ADGRL2: variants seen among roughly 807,000 people sequenced by gnomAD.
The protein encoded by ADGRL2 is adhesion G protein-coupled receptor L2.
A neutral mutation model predicts 157.4 loss-of-function variants in ADGRL2; 44 were observed. The ratio of observed to expected loss-of-function variants is 0.28; its 90% confidence interval spans 0.22 to 0.36. The LOEUF is 0.36. Among genes scored for constraint, ADGRL2 ranks in the 10% least tolerant of loss-of-function variants. The pLI, the probability that ADGRL2 is intolerant of heterozygous loss-of-function variation, is 1.00. For missense variants in ADGRL2, 1,510 were observed against 1,768.9 expected (o/e 0.85, Z 2.63); for synonymous variants, 585 against 624.7 (o/e 0.94, Z 0.95).
intron 1 of ADGRL2, among the ~76,000 whole-genome samples, chr1:81,759,583 T>C (rs2085802308): frequency 6.6e-6 from 1 of 152,144 alleles, no homozygotes; most frequent in African/African-American, 2.4e-5. Context: ...TTTTCTAGTC[T>C]TTTACCAAAT....
intron 1 of ADGRL2, among the ~76,000 whole-genome samples, chr1:81,398,153 G>A (rs948933461): frequency 1.3e-5 from 2 of 151,830 alleles, no homozygotes; most frequent in East Asian, 3.9e-4. Flanking sequence ...GTTTCCATTT[G>A]CATGGAATAT....
chr1:81,446,637 C>T (rs2077602242), intron 2 of ADGRL2, among the ~76,000 whole-genome samples: 1 of 152,176 alleles, frequency 6.6e-6, no homozygotes, highest in Non-Finnish European at 1.5e-5. Flanking sequence ...AAGAAAATAA[C>T]ACCCAGGGAT....
At chr1:81,426,821 T>A in intron 1 of ADGRL2, 1 of 524,034 alleles carries the variant, frequency 1.9e-6, no homozygotes, top group Non-Finnish European at 3.6e-6. Flanking sequence ...GATGCCCATC[T>A]ACCAGTGAAG....
chr1:81,623,635 CTTTTTTTTT>C (rs752595573), intron 3 of ADGRL2, among the ~76,000 whole-genome samples: 3 of 118,968 alleles, frequency 2.5e-5, no homozygotes, highest in Admixed American at 9.5e-5. Flanking sequence ...TGATATCTTC[CTTTTTTTTT>C]TTTTTTTTTT....
At chr1:81,966,277 A>C in intron 12 of ADGRL2, 94 bp downstream of exon 12, 1 of 1,555,530 alleles carries the variant, frequency 6.4e-7, no homozygotes, top group Non-Finnish European at 8.8e-7. Flanking sequence ...ATAACAAAAA[A>C]ACGGCTTACC....
intron 2 of ADGRL2, among the ~76,000 whole-genome samples, chr1:81,792,632 GAT>G (rs1435319500): frequency 6.6e-6 from 1 of 152,056 alleles, no homozygotes; most frequent in Admixed American, 6.6e-5. Flanking sequence ...TTTTATGAGA[GAT>G]AAACTTTTAA....
At chr1:81,966,026 T>G in intron 11 of ADGRL2, 32 bp from the exon 12 acceptor site, 1 of 1,608,410 alleles carries the variant, frequency 6.2e-7, no homozygotes, top group Non-Finnish European at 8.5e-7. Flanking sequence ...AATCCTTTTT[T>G]CCCCACCTCC....
At chr1:81,660,025 T>G (rs2082620007) in intron 3 of ADGRL2, among the ~76,000 whole-genome samples, 1 of 152,196 alleles carries the variant, frequency 6.6e-6, no homozygotes, top group South Asian at 2.1e-4. Context: ...ATATTGATTT[T>G]TGCCCTTTTG....
Position 81,970,326 on chromosome 1 carries a change from A to G in ADGRL2, c.2746A>G (p.Ile916Val). The change falls in exon 16 of 24, where the codon ATA becomes GTA. Residue 916 changes from isoleucine to valine, a missense_variant. Ile to Val is a conservative substitution (Grantham distance 29, BLOSUM62 3). Around this residue, in one of 4 missense-constraint regions of ADGRL2, gnomAD observed 497 missense variants for 627.2 expected, o/e 0.79. Transcript: ENST00000686636. ...DKTKYAIACP[I>V]FAGLLHFFFL... ...TTTTCCCCCGTAGATTGCATGCCCA[A>G]TATTTGCAGGACTTCTACACTTTTT... The G allele has an allele frequency of 6.2e-7, 1 of 1,609,568 alleles. No homozygotes were observed.
At chr1:81,956,310 A>C (rs1002975320) in intron 11 of ADGRL2, among the ~76,000 whole-genome samples, 1 of 152,256 alleles carries the variant, frequency 6.6e-6, no homozygotes. Context: ...TTAACAAAAA[A>C]GTGTAAGAGT....
At chr1:81,627,394 C>T (rs537652295) in intron 3 of ADGRL2, among the ~76,000 whole-genome samples, 34 of 152,220 alleles carry the variant, frequency 2.2e-4, no homozygotes, top group Non-Finnish European at 4.6e-4. Context: ...ATTGAGCTGA[C>T]TTTCCAAGTC....
intron 1 of ADGRL2, among the ~76,000 whole-genome samples, chr1:81,374,579 A>AAAAAAAAAAAAAC (rs922521913): frequency 3.3e-5 from 1 of 30,560 alleles, no homozygotes; most frequent in African/African-American, 8.5e-5. Flanking sequence ...CTCAAAAAAG[A>AAAAAAAAAAAAAC]AAAAAAAAAC....
chr1:81,466,284 G>T (rs2078050324), intron 2 of ADGRL2, among the ~76,000 whole-genome samples: 1 of 152,142 alleles, frequency 6.6e-6, no homozygotes, highest in South Asian at 2.1e-4. Flanking sequence ...AAGGTATACA[G>T]TTATTAAAAA....
At chr1:81,468,554 AAAG>A (rs1467865017) in intron 2 of ADGRL2, among the ~76,000 whole-genome samples, 2 of 152,222 alleles carry the variant, frequency 1.3e-5, no homozygotes, top group African/African-American at 4.8e-5. Flanking sequence ...AAGCAAAGCT[AAAG>A]AAGGGCAAAA....
chr1:81,533,490 A>G (rs950191691), intron 2 of ADGRL2, among the ~76,000 whole-genome samples: 1 of 152,122 alleles, frequency 6.6e-6, no homozygotes, highest in African/African-American at 2.4e-5. Flanking sequence ...CACTTTACCT[A>G]CTCACATCAT....
chr1:81,388,896 G>A (rs1040149842), intron 1 of ADGRL2, among the ~76,000 whole-genome samples: 14 of 152,234 alleles, frequency 9.2e-5, no homozygotes, highest in Admixed American at 7.2e-4. Context: ...ATCTTTTGAG[G>A]ATTGGGGCTT....
chr1:81,668,823 G>T (rs1478980139), intron 3 of ADGRL2, among the ~76,000 whole-genome samples: 1 of 152,016 alleles, frequency 6.6e-6, no homozygotes, highest in Non-Finnish European at 1.5e-5. Context: ...GCCCACCTCG[G>T]CCTCCCAAAG....
Position 81,648,904 on chromosome 1 carries a change from T to G in ADGRL2, c.-143+67924T>G, listed in dbSNP as rs76999759. Among the ~76,000 whole-genome samples, 303 of 152,292 alleles carry G rather than the reference T, an allele frequency of 2.0e-3. 2 individuals carry two copies. Among genetic ancestry groups the G allele is most frequent in the African/African-American group, 7.0e-3 (289 of 41,550 alleles). On this transcript the variant is annotated intron_variant, in intron 3 of 24. Transcript: ENST00000370721. ...AACTCAGCTTACTGTACAGGACAAGTGTCTACCTTCAGAGTCCTTTGGACA... is the reference window on the plus strand; with the variant it reads ...AACTCAGCTTACTGTACAGGACAAGGGTCTACCTTCAGAGTCCTTTGGACA...
At chr1:81,980,580 G>T (rs1661376298) in intron 18 of ADGRL2, among the ~76,000 whole-genome samples, 1 of 151,686 alleles carries the variant, frequency 6.6e-6, no homozygotes, top group South Asian at 2.1e-4. Context: ...ATTTGAGAAG[G>T]TATTATTCAA....
Sources: allele counts gnomAD v4.1 joint callset (sites outside exome capture counted in the v4.1 genomes callset), GRCh38; gene constraint gnomAD v4.1.1; regional missense constraint gnomAD v4.1.1; transcripts MANE v1.5; gene names NCBI Gene and HGNC (gene_info 2026-07-23, HGNC 2026-07-21).